LINGO2: variants seen among roughly 807,000 people sequenced by gnomAD.
LINGO2 encodes the protein leucine rich repeat and Ig domain containing 2, also known as leucine-rich repeat and immunoglobulin-like domain-containing nogo receptor-interacting protein 2.
A neutral mutation model predicts 30.6 loss-of-function variants in LINGO2; 14 were observed. That is an observed-to-expected ratio of 0.46 (90% CI 0.30 to 0.72). LINGO2 has a LOEUF of 0.72. LINGO2 is among the 30% of genes least tolerant of loss of function. The pLI, the probability that LINGO2 is intolerant of heterozygous loss-of-function variation, is 0.07. For synonymous variants in LINGO2, 317 were observed against 288.5 expected (o/e 1.10, Z -1.00); for missense variants, 729 against 751.7 (o/e 0.97, Z 0.35).
the LINGO2 span, among the ~76,000 whole-genome samples, chr9:29,087,596 C>T: frequency 6.6e-6 from 1 of 152,114 alleles, no homozygotes; most frequent in Non-Finnish European, 1.5e-5. Flanking sequence ...GGGACTCTCT[C>T]GCTCATAGAC....
the LINGO2 span, among the ~76,000 whole-genome samples, chr9:29,187,272 G>C: frequency 6.6e-6 from 1 of 152,148 alleles, no homozygotes; most frequent in East Asian, 1.9e-4. Flanking sequence ...CCCTGCTGGA[G>C]AACTGAGCAA....
chr9:27,978,520 C>G (rs374938395), intron 5 of LINGO2, among the ~76,000 whole-genome samples: 11 of 152,124 alleles, frequency 7.2e-5, no homozygotes, highest in African/African-American at 2.6e-4. Context: ...TCACCCCTTT[C>G]CACCATGTGA....
At chr9:28,011,294 T>A (rs1385619990) in intron 5 of LINGO2, among the ~76,000 whole-genome samples, 1 of 152,132 alleles carries the variant, frequency 6.6e-6, no homozygotes, top group Non-Finnish European at 1.5e-5. Flanking sequence ...TTTGGAAAAA[T>A]TCCTTCACAG....
At chr9:29,080,357 C>T in the LINGO2 span, among the ~76,000 whole-genome samples, 10 of 151,918 alleles carry the variant, frequency 6.6e-5, no homozygotes, top group Non-Finnish European at 1.0e-4. Flanking sequence ...GTCTTGCTAG[C>T]GGTCTATCAA....
At chr9:27,942,744 T>C in the LINGO2 span, 1 of 152,134 alleles carries the variant, frequency 6.6e-6, no homozygotes, top group Non-Finnish European at 1.5e-5. Context: ...TGCTCAGGCT[T>C]ATCAACTTTT....
intron 2 of LINGO2, among the ~76,000 whole-genome samples, chr9:28,374,155 T>C (rs1450966009): frequency 2.7e-5 from 4 of 150,912 alleles, no homozygotes; most frequent in South Asian, 4.2e-4. Context: ...TACGGAGTAT[T>C]TGATACATCA....
intron 2 of LINGO2, among the ~76,000 whole-genome samples, chr9:28,426,698 T>C (rs575549092): frequency 2.4e-4 from 37 of 152,204 alleles, no homozygotes; most frequent in Admixed American, 9.2e-4. Context: ...GGAGGTTTAG[T>C]GTCCATCCAA....
At chr9:28,179,476 A>G (rs1460973982) in intron 4 of LINGO2, among the ~76,000 whole-genome samples, 2 of 137,452 alleles carry the variant, frequency 1.5e-5, no homozygotes, top group African/African-American at 2.7e-5. Context: ...TATACTATAT[A>G]TAGTTTATAG....
At chr9:29,110,321 C>A in the LINGO2 span, among the ~76,000 whole-genome samples, 29 of 152,052 alleles carry the variant, frequency 1.9e-4, no homozygotes, top group Non-Finnish European at 3.8e-4. Context: ...TGTACAGCTA[C>A]AGTTTTGTTT....
chr9:28,345,904 G>A (rs79206701), intron 3 of LINGO2, among the ~76,000 whole-genome samples: 2,046 of 152,202 alleles, frequency 0.013, 37 homozygotes, highest in African/African-American at 0.047. Flanking sequence ...CCCACATAAT[G>A]TATCATGACA....
At chr9:28,149,180 C>T (rs1827908157) in intron 4 of LINGO2, 3 of 1,321,484 alleles carry the variant, frequency 2.3e-6, no homozygotes, top group Non-Finnish European at 3.1e-6. Flanking sequence ...AGTAAGAGAG[C>T]TGCTTAGGAG....
intron 4 of LINGO2, among the ~76,000 whole-genome samples, chr9:28,198,878 G>A (rs192777994): frequency 6.6e-6 from 1 of 152,056 alleles, no homozygotes; most frequent in African/African-American, 2.4e-5. Flanking sequence ...TGTCCCATCC[G>A]TTGCTAGCTT....
At chr9:29,176,592 T>C in the LINGO2 span, among the ~76,000 whole-genome samples, 8 of 152,328 alleles carry the variant, frequency 5.3e-5, no homozygotes, top group Non-Finnish European at 7.3e-5. Flanking sequence ...TCTCTCCTTA[T>C]AGTTGTGCTC....
the LINGO2 span, among the ~76,000 whole-genome samples, chr9:29,205,129 CTCCTGG>C: frequency 1.3e-5 from 2 of 152,128 alleles, no homozygotes; most frequent in Non-Finnish European, 2.9e-5. Flanking sequence ...CAACCTCCGC[CTCCTGG>C]GTTCAAGTGA....
At chr9:28,513,944 C>G (rs1374221930) in intron 1 of LINGO2, among the ~76,000 whole-genome samples, 1 of 152,200 alleles carries the variant, frequency 6.6e-6, no homozygotes, top group Non-Finnish European at 1.5e-5. Flanking sequence ...TCTATCAGCA[C>G]CATTTTTCCA....
intron 1 of LINGO2, among the ~76,000 whole-genome samples, chr9:28,627,781 A>T (rs1300080717): frequency 6.6e-6 from 1 of 152,058 alleles, no homozygotes; most frequent in Non-Finnish European, 1.5e-5. Flanking sequence ...TGTAATTAAA[A>T]ATATGCACAT....
the LINGO2 span, among the ~76,000 whole-genome samples, chr9:28,701,755 G>C: frequency 2.0e-5 from 3 of 151,970 alleles, no homozygotes; most frequent in South Asian, 6.2e-4. Context: ...ACAATATTGA[G>C]TCATCCTATT....
At chr9:28,197,089 GAGAT>G (rs1222855897) in intron 4 of LINGO2, among the ~76,000 whole-genome samples, 2 of 151,930 alleles carry the variant, frequency 1.3e-5, no homozygotes, top group Non-Finnish European at 1.5e-5. Flanking sequence ...AATCCTTGAG[GAGAT>G]AGATAATTTC....
intron 3 of LINGO2, among the ~76,000 whole-genome samples, chr9:28,323,032 G>C (rs2134309071): frequency 6.6e-6 from 1 of 152,294 alleles, no homozygotes; most frequent in South Asian, 2.1e-4. Flanking sequence ...CCAGAAGGGA[G>C]TTAACCTGGA....
Sources: gnomAD v4.1 joint callset for allele counts (sites outside exome capture counted in the v4.1 genomes callset) on GRCh38, gnomAD v4.1.1 for gene constraint, MANE v1.5 for transcripts, NCBI Gene and HGNC (gene_info 2026-07-23, HGNC 2026-07-21) for gene names.